Variants in PTPRT observed in about 807,000 individuals in gnomAD.
PTPRT encodes the protein receptor-type tyrosine-protein phosphatase T.
In PTPRT, 56 loss-of-function variants were observed where a neutral mutation model predicts 176.8. The observed-to-expected ratio is 0.32, with a 90% CI of 0.26 to 0.40. PTPRT has a LOEUF of 0.40. PTPRT is among the 10% of genes least tolerant of loss of function. PTPRT has a pLI of 1.00. For synonymous variants in PTPRT, 783 were observed against 739.0 expected (o/e 1.06, Z -0.96); for missense variants, 1,540 against 1,908.2 (o/e 0.81, Z 3.60).
chr20:42,258,869 G>C (rs1427146634), intron 13 of PTPRT, among the ~76,000 whole-genome samples: 1 of 152,136 alleles, frequency 6.6e-6, no homozygotes, highest in Non-Finnish European at 1.5e-5. Context: ...CTCTACCCTT[G>C]CTGTGGAAAA....
At chr20:43,053,755 C>T (rs1419629931) in intron 1 of PTPRT, among the ~76,000 whole-genome samples, 1 of 152,176 alleles carries the variant, frequency 6.6e-6, no homozygotes, top group Non-Finnish European at 1.5e-5. Flanking sequence ...TAATTAACTA[C>T]TGCTAAAAAC....
rs200302453 is a variant in PTPRT, at chr20:42,472,514, C to T, written c.1202G>A (p.Arg401Gln). The T allele has an allele frequency of 7.4e-5, 119 of 1,614,046 alleles. No individual in the cohort carries two copies. Among genetic ancestry groups the T allele is most frequent in the African/African-American group, 1.7e-4 (13 of 74,930 alleles). ...GGGCTCCCACTGCAGGGTCAGCTGCCGGGCTCTGATGTCTACGATTTCCAC... is the reference window on the plus strand; with the variant it reads ...GGGCTCCCACTGCAGGGTCAGCTGCTGGGCTCTGATGTCTACGATTTCCAC... ...QNVEIVDIRARQLTLQWEPFG... is the reference protein window; with the variant it reads ...QNVEIVDIRAQQLTLQWEPFG... The change falls in exon 8 of 31, where the codon CGG (arginine) becomes CAG (glutamine). Residue 401 changes from arginine to glutamine, a missense_variant. This residue lies in a region of PTPRT where 273 missense variants were observed against 432.1 expected (regional missense o/e 0.63). Coordinates refer to ENST00000373187, the MANE Select transcript of PTPRT (RefSeq NM_007050.6).
intron 15 of PTPRT, among the ~76,000 whole-genome samples, chr20:42,222,893 G>C (rs2055917204): frequency 6.6e-6 from 1 of 152,218 alleles, no homozygotes; most frequent in Non-Finnish European, 1.5e-5. Flanking sequence ...AGAGGCCCAG[G>C]CTTGTGACTG....
intron 2 of PTPRT, among the ~76,000 whole-genome samples, chr20:42,818,947 G>C (rs967361193): frequency 6.6e-6 from 1 of 152,136 alleles, no homozygotes; most frequent in Admixed American, 6.6e-5. Context: ...GAAAGAGATG[G>C]GGAGAGTGGA....
At chr20:42,050,724 A>G in the PTPRT span, among the ~76,000 whole-genome samples, 3 of 152,224 alleles carry the variant, frequency 2.0e-5, no homozygotes, top group Non-Finnish European at 4.4e-5. Flanking sequence ...ACTGACCAGA[A>G]CAGGAGAAGA....
At chr20:42,171,014 C>T (rs1192976477) in intron 16 of PTPRT, among the ~76,000 whole-genome samples, 3 of 152,152 alleles carry the variant, frequency 2.0e-5, no homozygotes, top group Non-Finnish European at 4.4e-5. Flanking sequence ...GTTACTCATA[C>T]ATTTTCTTGC....
intron 1 of PTPRT, among the ~76,000 whole-genome samples, chr20:42,933,020 A>G (rs982179416): frequency 4.6e-5 from 7 of 152,082 alleles, no homozygotes; most frequent in African/African-American, 1.7e-4. Flanking sequence ...AGCTTGCCCT[A>G]TTTGGACCCA....
At chr20:42,152,167 G>C (rs1283336600) in intron 17 of PTPRT, among the ~76,000 whole-genome samples, 1 of 152,234 alleles carries the variant, frequency 6.6e-6, no homozygotes, top group African/African-American at 2.4e-5. Flanking sequence ...CAAATATCTT[G>C]AGACAGGTGC....
chr20:42,857,876 G>A (rs1481382302), intron 2 of PTPRT, among the ~76,000 whole-genome samples: 3 of 152,112 alleles, frequency 2.0e-5, no homozygotes, highest in South Asian at 2.1e-4. Context: ...GTTTATGCGG[G>A]ACCCCTATTC....
At chr20:42,611,360 A>G (rs1240709636) in intron 7 of PTPRT, among the ~76,000 whole-genome samples, 2 of 152,142 alleles carry the variant, frequency 1.3e-5, no homozygotes, top group African/African-American at 4.8e-5. Context: ...TGGCCATCCT[A>G]CTGGGTGGGG....
At chr20:42,693,656 T>C (rs2075825125) in intron 6 of PTPRT, among the ~76,000 whole-genome samples, 1 of 152,142 alleles carries the variant, frequency 6.6e-6, no homozygotes, top group Non-Finnish European at 1.5e-5. Flanking sequence ...TAGGCATCCA[T>C]ATGAAAAAAT....
chr20:42,726,207 G>A (rs1475759324), intron 6 of PTPRT, among the ~76,000 whole-genome samples: 3 of 151,990 alleles, frequency 2.0e-5, no homozygotes, highest in Admixed American at 6.6e-5. Flanking sequence ...AGCCTCCTGA[G>A]TAGCTGGGAT....
At chr20:42,835,601 C>T (rs998290907) in intron 2 of PTPRT, among the ~76,000 whole-genome samples, 12 of 152,088 alleles carry the variant, frequency 7.9e-5, no homozygotes, top group African/African-American at 2.9e-4. Flanking sequence ...GGCTTTGTAG[C>T]ATACATTACT....
At chr20:42,611,086 G>T (rs1342959708) in intron 7 of PTPRT, among the ~76,000 whole-genome samples, 1 of 152,170 alleles carries the variant, frequency 6.6e-6, no homozygotes, top group Non-Finnish European at 1.5e-5. Context: ...GGGCATGTGG[G>T]CGGTTTCTAT....
chr20:43,046,267 C>T (rs138140988), intron 1 of PTPRT, among the ~76,000 whole-genome samples: 1 of 152,148 alleles, frequency 6.6e-6, no homozygotes, highest in Non-Finnish European at 1.5e-5. Flanking sequence ...TCAGTCCCAT[C>T]CAAGGCCTAA....
chr20:42,934,221 G>A (rs1980036707), intron 1 of PTPRT, among the ~76,000 whole-genome samples: 2 of 152,192 alleles, frequency 1.3e-5, no homozygotes, highest in Non-Finnish European at 2.9e-5. Context: ...TGCCATGAAT[G>A]CCTCAAACGA....
chr20:42,233,979 C>A (rs567984089), intron 15 of PTPRT, among the ~76,000 whole-genome samples: 2 of 152,164 alleles, frequency 1.3e-5, no homozygotes, highest in South Asian at 4.1e-4. Flanking sequence ...CAGCACCCAG[C>A]ACACAGCACT....
At chr20:42,201,248 C>T (rs1285559071) in intron 15 of PTPRT, among the ~76,000 whole-genome samples, 2 of 152,034 alleles carry the variant, frequency 1.3e-5, no homozygotes, top group African/African-American at 2.4e-5. Context: ...TGCAGTGAGC[C>T]GAGATCACGC....
intron 1 of PTPRT, among the ~76,000 whole-genome samples, chr20:43,141,997 T>A (rs2014025632): frequency 6.6e-6 from 1 of 152,028 alleles, no homozygotes; most frequent in African/African-American, 2.4e-5. Context: ...CGACGTGGAG[T>A]ACAGAAGACT....
Sources: allele counts gnomAD v4.1 joint callset (sites outside exome capture counted in the v4.1 genomes callset), GRCh38; gene constraint gnomAD v4.1.1; regional missense constraint gnomAD v4.1.1; transcripts MANE v1.5; gene names NCBI Gene and HGNC (gene_info 2026-07-23, HGNC 2026-07-21).